Variants in SFXN2 observed in about 807,000 individuals in gnomAD.
The protein encoded by SFXN2 is sideroflexin-2.
Under a neutral mutation model 41.9 loss-of-function variants are expected in SFXN2, and 37 were observed. The ratio of observed to expected loss-of-function variants is 0.88; its 90% confidence interval spans 0.68 to 1.16. SFXN2 has a LOEUF of 1.16. Among genes scored for constraint, SFXN2 ranks in the 50% most tolerant of loss-of-function variants. SFXN2 has a pLI of 0.00. For missense variants in SFXN2, 386 were observed against 425.2 expected, an observed-to-expected ratio of 0.91 and a Z score of 0.81; for synonymous variants, 150 against 156.7, an observed-to-expected ratio of 0.96 and a Z score of 0.32.
intron 11 of SFXN2, 63 bp downstream of exon 11, chr10:102,735,972 G>C: frequency 4.0e-6 from 6 of 1,494,812 alleles, no homozygotes; most frequent in Non-Finnish European, 5.6e-6. Context: ...TCCCTGATCT[G>C]CCTGCTGTCC....
chr10:102,718,306 G>T (rs1353727973), intron 1 of SFXN2, among the ~76,000 whole-genome samples: 1 of 152,250 alleles, frequency 6.6e-6, no homozygotes. Flanking sequence ...TGTGTGCTGA[G>T]GGGGAGGCAT....
rs1183482210 is a variant in SFXN2, at chr10:102,729,362, G to T, written c.475G>T (p.Ala159Ser). ...CTTCACAGCCACAACCACTGCTGTG[G>T]CCACGGCTGTGGGCATGAACATGTT... ...SYFTATTTAV[A>S]TAVGMNMLTK... The change falls in exon 5 of 12, where the codon GCC becomes TCC. Residue 159 changes from alanine to serine, a missense_variant. Coordinates refer to ENST00000369893, the MANE Select transcript of SFXN2 (RefSeq NM_178858.6). 1.2e-6 allele frequency: 2 copies of T among 1,614,190 alleles called. No homozygotes were observed. The highest frequency in any genetic ancestry group is 1.1e-5 in the South Asian group (1 of 91,086).
chr10:102,732,550 T>G (rs958375544), intron 8 of SFXN2, among the ~76,000 whole-genome samples: 1 of 152,192 alleles, frequency 6.6e-6, no homozygotes, highest in Non-Finnish European at 1.5e-5. Context: ...TATTGCAAAA[T>G]TTGTTTGCAC....
intron 1 of SFXN2, chr10:102,725,042 A>G (rs12259058): frequency 0.29 from 44,703 of 151,764 alleles, 6,908 homozygotes; most frequent in Non-Finnish European, 0.33. Flanking sequence ...TGCTGTAGCT[A>G]TAGGTATAAA....
chr10:102,732,789 T>C (rs1286562529), intron 8 of SFXN2, 70 bp from the exon 9 acceptor site: 1 of 1,532,112 alleles, frequency 6.5e-7, no homozygotes, highest in East Asian at 2.3e-5. Context: ...TGGTTCCTGG[T>C]CTGACTTCAG....
intron 6 of SFXN2, among the ~76,000 whole-genome samples, chr10:102,730,258 A>G (rs1015811771): frequency 1.3e-5 from 2 of 152,200 alleles, no homozygotes; most frequent in South Asian, 2.1e-4. Flanking sequence ...ACCCAACTCT[A>G]AGCTTTTCAG....
At chr10:102,718,857 C>T (rs2064457543) in intron 1 of SFXN2, among the ~76,000 whole-genome samples, 2 of 151,760 alleles carry the variant, frequency 1.3e-5, no homozygotes, top group Admixed American at 1.3e-4. Flanking sequence ...CTGTCTCCAC[C>T]TCCTTTCTCT....
rs1375904046 is a variant in SFXN2 at position 102,726,907 on chromosome 10, G to A, written c.162-80G>A. 7 of 1,579,784 alleles carry A rather than the reference G, an allele frequency of 4.4e-6. No individual in the cohort carries two copies. The South Asian group carries it at 5.8e-5, about 13-fold the overall frequency. Reference sequence around the variant, plus strand: ...AATAGGCAGAAATCTCAGGGCTGGGGGCTGGAAGAAGTGAGAGTGGGGAGA... The same window carrying A: ...AATAGGCAGAAATCTCAGGGCTGGGAGCTGGAAGAAGTGAGAGTGGGGAGA... On this transcript the variant is annotated intron_variant, in intron 2 of 11. Coordinates refer to ENST00000369893, the MANE Select transcript of SFXN2 (RefSeq NM_178858.6).
chr10:102,721,165 G>T (rs963970994), intron 1 of SFXN2, among the ~76,000 whole-genome samples: 1 of 152,008 alleles, frequency 6.6e-6, no homozygotes, highest in Non-Finnish European at 1.5e-5. Context: ...GAGCCAATTC[G>T]CTAATTCCTT....
intron 8 of SFXN2, 110 bp from the exon 9 acceptor site, chr10:102,732,749 G>A: frequency 1.8e-6 from 2 of 1,108,858 alleles, no homozygotes; most frequent in Admixed American, 1.8e-5. Context: ...AGTATTTTCT[G>A]GAGCTTCTGC....
At chr10:102,733,365 GTCTCGA>G (rs2136057764) in intron 9 of SFXN2, among the ~76,000 whole-genome samples, 183 bp from the exon 10 acceptor site, 2 of 152,182 alleles carry the variant, frequency 1.3e-5, no homozygotes, top group East Asian at 3.9e-4. Context: ...AGCCAGGATG[GTCTCGA>G]TCTCCTGACC....
chr10:102,728,427 G>A lies in SFXN2; in HGVS notation c.333-4G>A, dbSNP rs1200713437. On this transcript the variant is annotated splice_polypyrimidine_tract_variant and splice_region_variant and intron_variant, in intron 3 of 11. Transcript: ENST00000369893. ...CTGCCTCTCCTGGCCTTCCTCACTG[G>A]TAGGACGATGCCGGCGGTGATCTTC... The A allele has an allele frequency of 1.9e-6, 3 of 1,613,914 alleles. No homozygotes were observed. The African/African-American group carries it at 4.0e-5, about 22-fold the overall frequency.
rs748540121 is a variant in SFXN2, at chr10:102,732,192, G to A, written c.695G>A (p.Arg232Gln). 2.6e-5 allele frequency: 42 copies of A among 1,613,830 alleles called. No individual in the cohort carries two copies. Among genetic ancestry groups the A allele is most frequent in the Admixed American group, 1.2e-4 (7 of 59,966 alleles). Residue 232 changes from arginine (R) to glutamine (Q), a missense_variant, in exon 8 of 12, where the codon CGG (arginine) becomes CAG (glutamine). Transcript: ENST00000369893. ...GGCATCACCCAAGTAGTTATTTCTC[G>A]GATCACCATGTCAGCTCCTGGGATG... is the stretch of plus-strand genomic sequence containing the variant. ...AIGITQVVISRITMSAPGMIL... is the reference protein window; with the variant it reads ...AIGITQVVISQITMSAPGMIL...
chr10:102,731,398 G>C (rs1449600534), intron 6 of SFXN2, among the ~76,000 whole-genome samples: 3 of 152,088 alleles, frequency 2.0e-5, no homozygotes, highest in African/African-American at 4.8e-5. Context: ...CCTGTAAAGT[G>C]GGTGCCAGGA....
intron 10 of SFXN2, among the ~76,000 whole-genome samples, chr10:102,735,133 C>T (rs147221223): frequency 6.7e-6 from 1 of 150,326 alleles, no homozygotes; most frequent in East Asian, 2.0e-4. Context: ...AGTCAATCCT[C>T]CCCCTCCAAG....
At chr10:102,731,188 A>G (rs1221052500) in intron 6 of SFXN2, among the ~76,000 whole-genome samples, 3 of 149,826 alleles carry the variant, frequency 2.0e-5, no homozygotes, top group Non-Finnish European at 4.4e-5. Context: ...AATCGCTTGA[A>G]CCCAGGAGAT....
At chr10:102,721,389 G>A (rs2064506343) in intron 1 of SFXN2, among the ~76,000 whole-genome samples, 1 of 149,742 alleles carries the variant, frequency 6.7e-6, no homozygotes, top group South Asian at 2.1e-4. Context: ...AAAAAAAGAA[G>A]AAAAAATTAT....
At chr10:102,727,241 T>C (rs1175362148) in intron 3 of SFXN2, 84 bp downstream of exon 3, 15 of 1,403,410 alleles carry the variant, frequency 1.1e-5, no homozygotes, top group Non-Finnish European at 1.5e-5. Context: ...TAATAATAGT[T>C]CTCTTGATTG....
chr10:102,731,600 C>A, intron 6 of SFXN2, 123 bp from the exon 7 acceptor site: 1 of 740,334 alleles, frequency 1.4e-6, no homozygotes, highest in Middle Eastern at 3.0e-4. Flanking sequence ...GGTCAAAGGC[C>A]CAGGCTACAG....
Sources: gnomAD v4.1 joint callset for allele counts (sites outside exome capture counted in the v4.1 genomes callset) on GRCh38, gnomAD v4.1.1 for gene constraint, MANE v1.5 for transcripts, NCBI Gene and HGNC (gene_info 2026-07-23, HGNC 2026-07-21) for gene names.